CDH4: variants seen among roughly 807,000 people sequenced by gnomAD.
CDH4 encodes cadherin-4.
CDH4 carries 33 observed loss-of-function variants against 86.0 expected under a neutral mutation model. The ratio of observed to expected loss-of-function variants is 0.38; its 90% CI spans 0.29 to 0.51. The LOEUF (loss-of-function observed/expected upper bound fraction) is 0.51, where lower values mean the gene tolerates loss of function less well. Among genes scored for constraint, CDH4 ranks in the 20% least tolerant of loss-of-function variants. The pLI, the probability that CDH4 is intolerant of heterozygous loss-of-function variation, is 0.86. For missense variants in CDH4, 1,114 were observed against 1,307.4 expected (o/e 0.85, Z 2.28); for synonymous variants, 555 against 549.4 (o/e 1.01, Z -0.14).
At chr20:61,753,737 C>G (rs951776592) in intron 3 of CDH4, among the ~76,000 whole-genome samples, 6 of 152,212 alleles carry the variant, frequency 3.9e-5, no homozygotes, top group Non-Finnish European at 8.8e-5. Flanking sequence ...TATCTTCTAG[C>G]ACACGTCAGC....
Position 61,844,808 on chromosome 20 carries a change from G to C in CDH4, c.717G>C (p.Glu239Asp). Residue 239 changes from glutamate (E) to aspartate (D), a missense_variant, in exon 5 of 16, where the codon GAG becomes GAC. By Grantham distance (45) the Glu-to-Asp change is conservative. This residue lies in a region of CDH4 where 705 missense variants were observed against 914.1 expected (regional missense o/e 0.77). Transcript: ENST00000614565. ...MYVTRPMDREEHASYHLRAHA... is the reference protein window; with the variant it reads ...MYVTRPMDREDHASYHLRAHA... ...TCACAAGGCCCATGGACCGGGAGGA[G>C]CACGCCTCTTACCACGTGAGTGTCC... The C allele has an allele frequency of 6.2e-7, 1 of 1,612,720 alleles. No homozygotes were observed. The highest frequency in any genetic ancestry group is 1.1e-5 in the South Asian group (1 of 90,874).
rs767734432 is a variant in CDH4 at position 61,910,638 on chromosome 20, C to A, written c.1374+31C>A. On this transcript the variant is annotated intron_variant, in intron 9 of 15. Transcript: ENST00000614565. ...TACTCTTCTCACACCCTGCCAGGCA[C>A]CCCAAGTTCTGCCACCTGCACACTC... is the stretch of plus-strand genomic sequence containing the variant. The A allele has an allele frequency of 2.5e-6, 4 of 1,597,262 alleles. No individual in the cohort carries two copies. The African/African-American group carries it at 4.0e-5, about 16-fold the overall frequency.
intron 4 of CDH4, among the ~76,000 whole-genome samples, chr20:61,793,378 A>T (rs1979319430): frequency 6.6e-6 from 1 of 152,246 alleles, no homozygotes; most frequent in Non-Finnish European, 1.5e-5. Context: ...CTCCAAAGGC[A>T]CATAAACAGA....
intron 2 of CDH4, among the ~76,000 whole-genome samples, chr20:61,429,765 G>A (rs1172610996): frequency 6.6e-6 from 1 of 151,668 alleles, no homozygotes; most frequent in South Asian, 2.1e-4. Context: ...GTGGATGGAT[G>A]GATGGATGGA....
intron 2 of CDH4, among the ~76,000 whole-genome samples, chr20:61,357,004 G>T (rs374844112): frequency 1.3e-5 from 2 of 152,200 alleles, no homozygotes; most frequent in Non-Finnish European, 2.9e-5. Flanking sequence ...CCTGAACTCC[G>T]TGGGGTGTTC....
intron 2 of CDH4, among the ~76,000 whole-genome samples, chr20:61,536,512 A>G (rs2085998320): frequency 6.6e-6 from 1 of 151,858 alleles, no homozygotes. Context: ...GGCATTGATA[A>G]CCCACGAAAC....
At chr20:61,560,203 G>A (rs561620541) in intron 2 of CDH4, among the ~76,000 whole-genome samples, 4 of 152,230 alleles carry the variant, frequency 2.6e-5, no homozygotes, top group East Asian at 3.9e-4. Flanking sequence ...CCCCACCTGC[G>A]GGTGCTCCCC....
chr20:61,765,062 C>T (rs1190163640), intron 3 of CDH4, among the ~76,000 whole-genome samples: 1 of 152,184 alleles, frequency 6.6e-6, no homozygotes, highest in Admixed American at 6.5e-5. Context: ...TCACCTGCAC[C>T]TTGTAGACAC....
chr20:61,263,062 A>G lies in CDH4; in HGVS notation c.169+8125A>G, dbSNP rs539814438. Reference sequence around the variant, plus strand: ...AAGAAGTAATTTCTCCTCCAAGTGAATTCCACTATAAAAAATACCATAAGC... The same window carrying G: ...AAGAAGTAATTTCTCCTCCAAGTGAGTTCCACTATAAAAAATACCATAAGC... On this transcript the variant is annotated intron_variant, in intron 2 of 15. Coordinates refer to ENST00000614565, the MANE Select transcript of CDH4 (RefSeq NM_001794.5). Among the ~76,000 whole-genome samples, 5 of 152,172 alleles carry G rather than the reference A, an allele frequency of 3.3e-5. No homozygotes were observed. In the South Asian group the frequency reaches 1.0e-3, roughly 32 times the overall value.
In CDH4 at chr20:61,510,446, G is replaced by A. The variant is rs548357899; in HGVS notation, c.170-233117G>A. Among the ~76,000 whole-genome samples the A allele has an allele frequency of 7.8e-4, 119 of 152,316 alleles. 2 individuals are homozygous for A. The Middle Eastern group carries it at 0.02, about 26-fold the overall frequency. ...CTCTGTCAAAGAGCTGGAAGGATAC[G>A]TTTACTATCGGAATGCCCGCATGCC... On this transcript the variant is annotated intron_variant, in intron 2 of 15. Coordinates refer to ENST00000614565, the MANE Select transcript of CDH4 (RefSeq NM_001794.5). This position sits in a 1 kb window ranked among gnomAD's most constrained non-coding sequence, Gnocchi z 4.2.
At chr20:61,870,790 C>T (rs748338224) in intron 6 of CDH4, among the ~76,000 whole-genome samples, 8 of 152,120 alleles carry the variant, frequency 5.3e-5, no homozygotes, top group African/African-American at 1.2e-4. Flanking sequence ...GTGCCTGATG[C>T]GCCAACATTG....
intron 4 of CDH4, among the ~76,000 whole-genome samples, chr20:61,780,235 C>T (rs1978465304): frequency 6.6e-6 from 1 of 152,128 alleles, no homozygotes; most frequent in Non-Finnish European, 1.5e-5. Flanking sequence ...GCCTTGGTCA[C>T]CTGCAGTCCT....
At chr20:61,527,280 TCA>T (rs2085918098) in intron 2 of CDH4, among the ~76,000 whole-genome samples, 1 of 151,952 alleles carries the variant, frequency 6.6e-6, no homozygotes, top group African/African-American at 2.4e-5. Flanking sequence ...AGGCAGAGTC[TCA>T]CTCTGTTGCC....
intron 2 of CDH4, among the ~76,000 whole-genome samples, chr20:61,322,504 C>T (rs897345611): frequency 1.3e-5 from 2 of 152,132 alleles, no homozygotes; most frequent in Admixed American, 6.5e-5. Context: ...CTTTACAGCC[C>T]AGGATGAGTC....
rs559131708 is a variant in CDH4 at position 61,422,214 on chromosome 20, G to T, written c.169+167277G>T. On this transcript the variant is annotated intron_variant, in intron 2 of 15. Coordinates refer to ENST00000614565, the MANE Select transcript of CDH4 (RefSeq NM_001794.5). ...GGCCGAGGTGGGTGGATCACCTGAG[G>T]TCGGGAGTTCATGACCCCTGACTAA... Among the ~76,000 whole-genome samples, 6 of 152,030 alleles carry T rather than the reference G, an allele frequency of 3.9e-5. No individual in the cohort carries two copies. In the East Asian group the frequency reaches 5.8e-4, roughly 15 times the overall value.
chr20:61,569,479 C>T (rs1461512272), intron 2 of CDH4, among the ~76,000 whole-genome samples: 1 of 152,180 alleles, frequency 6.6e-6, no homozygotes, highest in Non-Finnish European at 1.5e-5. Context: ...TCACATCTAT[C>T]TCAGAATACA....
At chr20:61,565,214 T>TTGGTGGTGGTGGTGGTGGTGG (rs1568688420) in intron 2 of CDH4, among the ~76,000 whole-genome samples, 1 of 31,300 alleles carries the variant, frequency 3.2e-5, no homozygotes, top group Non-Finnish European at 5.8e-5. Context: ...CGCGGTGCTC[T>TTGGTGGTGGTGGTGGTGGTGG]CGGTGGTAGG....
At chr20:61,572,824 TATGGATGGATGG>T (rs56253553) in intron 2 of CDH4, among the ~76,000 whole-genome samples, 151 of 146,180 alleles carry the variant, frequency 1.0e-3, no homozygotes, top group Admixed American at 4.0e-3. Flanking sequence ...TTCAGAACAC[TATGGATGGATGG>T]ATGGATGGAT....
rs1981479541 is a variant in CDH4 at position 61,829,313 on chromosome 20, C to T, written c.577-15355C>T. 1.3e-5 allele frequency among the ~76,000 whole-genome samples: 2 copies of T among 152,234 alleles called. No individual in the cohort carries two copies. The highest frequency in any genetic ancestry group is 2.9e-5 in the Non-Finnish European group (2 of 68,044). On this transcript the variant is annotated intron_variant, in intron 4 of 15. Transcript: ENST00000614565. This position sits in a 1 kb window ranked among gnomAD's most constrained non-coding sequence, Gnocchi z 4.2. ...TGAGCATAATGTTTTCAAGGTTCAG[C>T]CATGCTGCAGCTCGTATCAGAACCT...
Sources: gnomAD v4.1 joint callset for allele counts (sites outside exome capture counted in the v4.1 genomes callset) on GRCh38, gnomAD v4.1.1 for gene constraint, gnomAD v4.1.1 regional missense constraint, Gnocchi (gnomAD v3.1) non-coding constraint, MANE v1.5 for transcripts, NCBI Gene and HGNC (gene_info 2026-07-23, HGNC 2026-07-21) for gene names.